Variants in SORBS2 observed in about 807,000 individuals in gnomAD.
The protein encoded by SORBS2 is sorbin and SH3 domain containing 2, also known as sorbin and SH3 domain-containing protein 2.
In SORBS2, 46 loss-of-function variants were observed where a neutral mutation model predicts 97.7. The observed-to-expected ratio is 0.47, with a 90% CI of 0.37 to 0.60. The LOEUF (loss-of-function observed/expected upper bound fraction) is 0.60. SORBS2 is among the 20% of genes least tolerant of loss of function. The probability of loss-of-function intolerance (pLI) is 0.00; values close to 1 mark genes in which losing one functional copy is unlikely to be tolerated. For missense variants in SORBS2, 1,316 were observed against 1,282.3 expected, an observed-to-expected ratio of 1.03 and a Z score of -0.40; for synonymous variants, 476 against 473.4, an observed-to-expected ratio of 1.01 and a Z score of -0.07.
chr4:185,750,927 CA>C (rs2098794774), intron 2 of SORBS2, among the ~76,000 whole-genome samples: 1 of 151,808 alleles, frequency 6.6e-6, no homozygotes, highest in Non-Finnish European at 1.5e-5. Flanking sequence ...AGTTGGAATT[CA>C]AATCACATGA....
Position 185,713,595 on chromosome 4 carries a change from C to T in SORBS2, c.-197-34773G>A, listed in dbSNP as rs745775125. Among the ~76,000 whole-genome samples, 3 of 152,300 alleles carry T rather than the reference C, an allele frequency of 2.0e-5. 1 individual carries two copies. In the Middle Eastern group the frequency reaches 0.01, roughly 518 times the overall value. On this transcript the variant is annotated intron_variant, in intron 2 of 20. Coordinates refer to the SORBS2 transcript ENST00000284776. ...GGGAAGGGATGAGTATTACAAGTTG[C>T]TGAAAACAATATATACTTTTTTCCT... is the stretch of plus-strand genomic sequence containing the variant.
intron 3 of SORBS2, 22 bp from the exon 13 acceptor site, chr4:185,646,804 C>T (rs765221126): frequency 7.5e-7 from 1 of 1,327,732 alleles, no homozygotes; most frequent in Non-Finnish European, 1.1e-6. Context: ...CAATAAATCA[C>T]ACATTAAAAT....
chr4:185,683,611 T>A (rs2097906903), intron 2 of SORBS2, among the ~76,000 whole-genome samples: 1 of 152,234 alleles, frequency 6.6e-6, no homozygotes, highest in Admixed American at 6.5e-5. Context: ...ATAGAGATTT[T>A]TTTTTAACCA....
At chr4:185,670,400 C>A (rs1410926318) in intron 4 of SORBS2, among the ~76,000 whole-genome samples, 1 of 152,112 alleles carries the variant, frequency 6.6e-6, no homozygotes, top group African/African-American at 2.4e-5. Flanking sequence ...TTTCCTTCCA[C>A]CTCAGGTTCC....
chr4:185,684,942 G>A lies in SORBS2; in HGVS notation c.-197-6120C>T, dbSNP rs1582700558. ...AGAGAAATGTGCCAGACATCCATGA[G>A]AAAGATGAACAGTTAGAATTAGTAA... On this transcript the variant is annotated intron_variant, in intron 2 of 20. Coordinates refer to the SORBS2 transcript ENST00000284776. This position sits in a 1 kb window ranked among gnomAD's most constrained non-coding sequence, Gnocchi z 4.2. The A allele has an allele frequency of 5.5e-6, 5 of 903,466 alleles. No individual in the cohort carries two copies. The East Asian group carries it at 1.3e-4, about 24-fold the overall frequency. The allele number at this position is 903,466 out of a possible 1,614,324, so 56.0% of individuals were successfully genotyped here. A position where few individuals can be genotyped will look rare whatever the true frequency, so the allele number is the denominator to read the frequency against.
intron 2 of SORBS2, among the ~76,000 whole-genome samples, chr4:185,753,815 TA>T (rs1416034566): frequency 6.6e-6 from 1 of 152,192 alleles, no homozygotes; most frequent in Non-Finnish European, 1.5e-5. Flanking sequence ...CCTATCTTTT[TA>T]AAAATTTACC....
At chr4:185,816,332 A>G (rs2099193236) in intron 1 of SORBS2, among the ~76,000 whole-genome samples, 2 of 152,268 alleles carry the variant, frequency 1.3e-5, no homozygotes, top group South Asian at 2.1e-4. Flanking sequence ...GAAACACGTC[A>G]TATGACTTAA....
Position 185,607,856 on chromosome 4 carries a change from G to A in SORBS2, c.2796+3924C>T, listed in dbSNP as rs753171496. On this transcript the variant is annotated intron_variant, in intron 12 of 14. Coordinates refer to ENST00000418609, the Ensembl canonical transcript of SORBS2. The surrounding 1 kb of genome is among the most constrained non-coding windows in gnomAD (Gnocchi z 5.2). ...ACTACAGGCGCATGTCACCAGTACA[G>A]CTAATTTTTATATTTTTAGTAGAGA... is the stretch of plus-strand genomic sequence containing the variant. Among the ~76,000 whole-genome samples, 1 of 152,016 alleles carries A rather than the reference G, an allele frequency of 6.6e-6. No homozygotes were observed. Among genetic ancestry groups the A allele is most frequent in the Non-Finnish European group, 1.5e-5 (1 of 68,006 alleles).
chr4:185,822,030 A>G (rs891578774), intron 1 of SORBS2, among the ~76,000 whole-genome samples: 1 of 152,188 alleles, frequency 6.6e-6, no homozygotes, highest in Non-Finnish European at 1.5e-5. Context: ...TTGTAACACG[A>G]TGTTATTTTT....
At chr4:185,813,357 G>T (rs1055701911) in intron 1 of SORBS2, among the ~76,000 whole-genome samples, 1 of 152,074 alleles carries the variant, frequency 6.6e-6, no homozygotes, top group African/African-American at 2.4e-5. Context: ...GGGGATGCCC[G>T]CTCCCCTTCC....
At chr4:185,909,738 T>G (rs532458479) in intron 1 of SORBS2, among the ~76,000 whole-genome samples, 1 of 152,186 alleles carries the variant, frequency 6.6e-6, no homozygotes, top group East Asian at 1.9e-4. Context: ...TAGGAAAACA[T>G]GCAAAGAAAT....
intron 1 of SORBS2, among the ~76,000 whole-genome samples, chr4:185,788,427 T>C (rs1369736852): frequency 6.6e-6 from 1 of 152,208 alleles, no homozygotes; most frequent in Non-Finnish European, 1.5e-5. Context: ...AGTTGAGTCA[T>C]AGCCAGACAC....
intron 1 of SORBS2, among the ~76,000 whole-genome samples, chr4:185,886,921 C>T (rs1579327949): frequency 6.6e-6 from 1 of 152,156 alleles, no homozygotes; most frequent in South Asian, 2.1e-4. Flanking sequence ...TCAGAAACTA[C>T]AGAGAAACAG....
chr4:185,664,046 G>A (rs1297970829), intron 4 of SORBS2, among the ~76,000 whole-genome samples: 4 of 151,414 alleles, frequency 2.6e-5, no homozygotes, highest in Admixed American at 6.6e-5. Flanking sequence ...AGTAGAGACG[G>A]GGTTTCACCA....
chr4:185,815,864 T>C (rs2099192962), intron 1 of SORBS2, among the ~76,000 whole-genome samples: 1 of 152,198 alleles, frequency 6.6e-6, no homozygotes, highest in Non-Finnish European at 1.5e-5. Context: ...CACTTTTCTA[T>C]AAGTTTGATT....
At chr4:185,637,621 CT>C (rs1390726814) in intron 4 of SORBS2, among the ~76,000 whole-genome samples, 1 of 152,142 alleles carries the variant, frequency 6.6e-6, no homozygotes, top group African/African-American at 2.4e-5. Flanking sequence ...CCATTTTCTT[CT>C]TCTTGGCGGG....
chr4:185,806,557 A>T (rs867002638), intron 1 of SORBS2, among the ~76,000 whole-genome samples: 3 of 142,916 alleles, frequency 2.1e-5, no homozygotes, highest in African/African-American at 5.2e-5. Context: ...TCCCGGGTTC[A>T]CGCCATTCTC....
At chr4:185,700,300 C>A (rs149225481) in intron 2 of SORBS2, among the ~76,000 whole-genome samples, 2,151 of 141,000 alleles carry the variant, frequency 0.015, 27 homozygotes, top group Non-Finnish European at 0.022. Flanking sequence ...TGAGTCTGTG[C>A]GTGAGTCAGG....
intron 2 of SORBS2, among the ~76,000 whole-genome samples, chr4:185,724,129 C>T (rs772525153): frequency 6.6e-6 from 1 of 152,050 alleles, no homozygotes; most frequent in Non-Finnish European, 1.5e-5. Context: ...GTGAAGTTAA[C>T]AATAAAAGAA....
Sources: gnomAD v4.1 joint callset for allele counts (sites outside exome capture counted in the v4.1 genomes callset) on GRCh38, gnomAD v4.1.1 for gene constraint, Gnocchi (gnomAD v3.1) non-coding constraint, MANE v1.5 for transcripts, NCBI Gene and HGNC (gene_info 2026-07-23, HGNC 2026-07-21) for gene names.